Variants in MAK observed in about 807,000 individuals in gnomAD.
MAK encodes male germ cell associated kinase.
Under a neutral mutation model 82.6 loss-of-function variants are expected in MAK, and 65 were observed. The ratio of observed to expected loss-of-function variants is 0.79; its 90% CI spans 0.64 to 0.97. The LOEUF (loss-of-function observed/expected upper bound fraction) is 0.97. Among genes scored for constraint, MAK ranks in the 50% least tolerant of loss-of-function variants. The probability of loss-of-function intolerance (pLI) is 0.00; values close to 1 mark genes in which losing one functional copy is unlikely to be tolerated. For missense variants in MAK, 703 were observed against 780.2 expected (o/e 0.90, Z 1.18); for synonymous variants, 250 against 274.2 (o/e 0.91, Z 0.87).
At chr6:10,805,320 G>T (rs1249833925) in intron 6 of MAK, among the ~76,000 whole-genome samples, 1 of 152,118 alleles carries the variant, frequency 6.6e-6, no homozygotes, top group African/African-American at 2.4e-5. Flanking sequence ...AGGCACAGTG[G>T]CTCACACCTG....
At chr6:10,823,983 T>G (rs1778159795) in intron 2 of MAK, among the ~76,000 whole-genome samples, 1 of 128,692 alleles carries the variant, frequency 7.8e-6, no homozygotes, top group South Asian at 2.6e-4. Context: ...GGATGTGAAT[T>G]GTTTTGGTAA....
chr6:10,787,495 A>G (rs1228549029), intron 10 of MAK, among the ~76,000 whole-genome samples: 2 of 152,226 alleles, frequency 1.3e-5, no homozygotes, highest in Non-Finnish European at 2.9e-5. Context: ...ATTAATAATA[A>G]TGATGATCAT....
intron 10 of MAK, chr6:10,784,804 C>T: frequency 1.5e-6 from 1 of 659,574 alleles, no homozygotes; most frequent in Non-Finnish European, 2.8e-6. Context: ...ACCTTTATAA[C>T]TGAGCAGCAA....
At chr6:10,825,897 C>A (rs1395536376) in intron 2 of MAK, among the ~76,000 whole-genome samples, 1 of 152,194 alleles carries the variant, frequency 6.6e-6, no homozygotes, top group African/African-American at 2.4e-5. Flanking sequence ...TAACCTCTAA[C>A]CAAGATGACT....
At chr6:10,771,848 C>A (rs1354988839) in intron 13 of MAK, among the ~76,000 whole-genome samples, 1 of 152,220 alleles carries the variant, frequency 6.6e-6, no homozygotes, top group African/African-American at 2.4e-5. Flanking sequence ...TTCTGAAACA[C>A]TAATCAGTTC....
intron 4 of MAK, among the ~76,000 whole-genome samples, chr6:10,815,912 G>GTGTGTATATATATATATATATA (rs1554184483): frequency 2.2e-4 from 24 of 108,308 alleles, no homozygotes; most frequent in South Asian, 1.2e-3. Context: ...GCTTTATACA[G>GTGTGTATATATATATATATATA]TATATATATA....
chr6:10,820,369 A>G (rs1335101381), intron 2 of MAK, among the ~76,000 whole-genome samples: 1 of 152,166 alleles, frequency 6.6e-6, no homozygotes, highest in Non-Finnish European at 1.5e-5. Flanking sequence ...AAAAATTGGC[A>G]GCACAACATC....
Position 10,763,712 on chromosome 6 carries a change from A to C in MAK, c.*740T>G, listed in dbSNP as rs1419659019. Reference sequence around the variant, plus strand: ...CTAATACTACAAAAATTAGCCAGGCATGGTGGCACACGCCTCTAATCCCAG... The same window carrying C: ...CTAATACTACAAAAATTAGCCAGGCCTGGTGGCACACGCCTCTAATCCCAG... On this transcript the variant is annotated 3_prime_UTR_variant, in exon 15 of 15. Coordinates refer to ENST00000354489, the MANE Select transcript of MAK (RefSeq NM_001242957.3). The C allele has an allele frequency of 2.0e-5, 3 of 152,154 alleles. No individual in the cohort carries two copies. The highest frequency in any genetic ancestry group is 7.2e-5 in the African/African-American group (3 of 41,388). The allele number at this position is 152,154 out of a possible 1,614,324, so 9.4% of individuals were successfully genotyped here.
At chr6:10,788,851 C>T (rs1473804672) in intron 10 of MAK, among the ~76,000 whole-genome samples, 1 of 152,148 alleles carries the variant, frequency 6.6e-6, no homozygotes, top group East Asian at 1.9e-4. Context: ...TAACTCCCTG[C>T]ACATCTTTAA....
At chr6:10,818,245 A>G (rs1365336024) in intron 3 of MAK, among the ~76,000 whole-genome samples, 1 of 152,254 alleles carries the variant, frequency 6.6e-6, no homozygotes, top group African/African-American at 2.4e-5. Flanking sequence ...TGACTTAACC[A>G]TGCAAAGGTA....
intron 3 of MAK, among the ~76,000 whole-genome samples, chr6:10,818,621 A>G (rs2127577438): frequency 6.6e-6 from 1 of 152,184 alleles, no homozygotes; most frequent in African/African-American, 2.4e-5. Context: ...CACAAAAAAA[A>G]AAAAAAAAAA....
chr6:10,782,811 C>G (rs1018251408), intron 11 of MAK, among the ~76,000 whole-genome samples: 1 of 152,112 alleles, frequency 6.6e-6, no homozygotes, highest in Non-Finnish European at 1.5e-5. Context: ...CTCCTGAACT[C>G]AGGTGATCCG....
chr6:10,808,807 C>CAGT lies in MAK; in HGVS notation c.491+2_491+3insACT, dbSNP rs764453277. 2.5e-6 allele frequency: 4 copies of CAGT among 1,613,996 alleles called. No individual in the cohort carries two copies. Among genetic ancestry groups the CAGT allele is most frequent in the Non-Finnish European group, 3.4e-6 (4 of 1,179,940 alleles). ...TCAGGAGGGCTGCATAACCCCTACT[C>CAGT]ACCATCTGGTAGATACATAATCAGT... On this transcript the variant is annotated splice_region_variant and intron_variant, in intron 6 of 14. Coordinates refer to ENST00000354489, the MANE Select transcript of MAK (RefSeq NM_001242957.3).
At position 10,813,675 on chromosome 6, in the gene MAK, T is replaced by A. The variant is rs879027745; in HGVS notation, c.327A>T (p.Ile109=). The change falls in exon 5 of 15, where the codon ATA becomes ATT. Residue 109 remains isoleucine, a synonymous_variant. Coordinates refer to ENST00000354489, the MANE Select transcript of MAK (RefSeq NM_001242957.3). ...TATGGATAAAAGCCAGCCCTTGCAATATTTGATACATAATATTTCTGATGA... is the reference window on the plus strand; with the variant it reads ...TATGGATAAAAGCCAGCCCTTGCAAAATTTGATACATAATATTTCTGATGA... The part of the protein sequence containing the change: ...ESVIRNIMYQ[I]LQGLAFIHKH... 3.7e-6 allele frequency: 6 copies of A among 1,605,906 alleles called. No individual in the cohort carries two copies. The Admixed American group carries it at 1.0e-4, about 27-fold the overall frequency.
chr6:10,827,384 A>G (rs1778458178), intron 2 of MAK, among the ~76,000 whole-genome samples: 1 of 152,118 alleles, frequency 6.6e-6, no homozygotes, highest in African/African-American at 2.4e-5. Context: ...CTTTGTGTGA[A>G]TTTACATAAT....
At chr6:10,775,573 T>C in intron 11 of MAK, 114 bp from the exon 12 acceptor site, 1 of 1,181,192 alleles carries the variant, frequency 8.5e-7, no homozygotes, top group Non-Finnish European at 1.2e-6. Flanking sequence ...AGAATGGAAA[T>C]AAATCTAGGT....
At chr6:10,809,002 T>C in intron 5 of MAK, 60 bp from the exon 6 acceptor site, 1 of 1,420,050 alleles carries the variant, frequency 7.0e-7, no homozygotes. Flanking sequence ...CATAGCTTTA[T>C]TTGATTTATA....
chr6:10,785,843 A>T (rs139171878), intron 10 of MAK, among the ~76,000 whole-genome samples: 1 of 152,354 alleles, frequency 6.6e-6, no homozygotes, highest in African/African-American at 2.4e-5. Context: ...CATATATTTG[A>T]TGAGTTGAAG....
rs776964803 is a variant in MAK at position 10,803,680 on chromosome 6, TAATC to T, written c.663+36_663+39del. On this transcript the variant is annotated intron_variant, in intron 7 of 14. Coordinates refer to ENST00000354489, the MANE Select transcript of MAK (RefSeq NM_001242957.3). ...TAAAAGCAAAGTAGCAAGATAGAAA[TAATC>T]AAAAGTTATAGCAACTTAGGGACAA... The T allele has an allele frequency of 2.1e-5, 32 of 1,550,284 alleles. No homozygotes were observed. The East Asian group carries it at 6.7e-4, about 33-fold the overall frequency.
Sources: gnomAD v4.1 joint callset for allele counts (sites outside exome capture counted in the v4.1 genomes callset) on GRCh38, gnomAD v4.1.1 for gene constraint, MANE v1.5 for transcripts, NCBI Gene and HGNC (gene_info 2026-07-23, HGNC 2026-07-21) for gene names.